ARHGAP32: variants seen among roughly 807,000 people sequenced by gnomAD.
The protein encoded by ARHGAP32 is Rho GTPase activating protein 32.
In ARHGAP32, 51 loss-of-function variants were observed where a neutral mutation model predicts 186.5. That is an observed-to-expected ratio of 0.27 (90% CI 0.22 to 0.35). The LOEUF is 0.35. Ranked by LOEUF, ARHGAP32 falls within the 10% of genes least tolerant of loss-of-function variation. The pLI is 1.00. For missense variants in ARHGAP32, 2,186 were observed against 2,623.5 expected, an observed-to-expected ratio of 0.83 and a Z score of 3.64; for synonymous variants, 950 against 964.3, an observed-to-expected ratio of 0.99 and a Z score of 0.27.
At chr11:129,025,876 ATATGT>A (rs1024413182) in intron 11 of ARHGAP32, among the ~76,000 whole-genome samples, 5 of 148,806 alleles carry the variant, frequency 3.4e-5, no homozygotes, top group African/African-American at 7.3e-5. Flanking sequence ...TTTAAGTAAT[ATATGT>A]TATATTACTT....
chr11:129,088,682 A>G (rs982900692), intron 6 of ARHGAP32, among the ~76,000 whole-genome samples: 1 of 152,210 alleles, frequency 6.6e-6, no homozygotes, highest in Non-Finnish European at 1.5e-5. Flanking sequence ...TTGTAAAGGA[A>G]TAAATCAAAA....
intron 1 of ARHGAP32, chr11:129,279,043 T>C (rs1000414544): frequency 6.8e-6 from 1 of 146,724 alleles, no homozygotes; most frequent in African/African-American, 2.5e-5. Flanking sequence ...ACCCTCACTC[T>C]AAAAAGAATA....
At chr11:129,091,855 T>C (rs140153604) in intron 6 of ARHGAP32, among the ~76,000 whole-genome samples, 2 of 152,096 alleles carry the variant, frequency 1.3e-5, no homozygotes, top group African/African-American at 4.8e-5. Flanking sequence ...GAGGGTCTAA[T>C]TGTATGTCTT....
At chr11:129,148,515 G>C (rs968394286) in intron 2 of ARHGAP32, among the ~76,000 whole-genome samples, 10 of 152,154 alleles carry the variant, frequency 6.6e-5, no homozygotes, top group African/African-American at 2.2e-4. Context: ...CCTCACAGGG[G>C]CCTTCAGGGA....
intron 11 of ARHGAP32, among the ~76,000 whole-genome samples, chr11:129,019,553 T>C (rs577318928): frequency 2.0e-5 from 3 of 152,278 alleles, no homozygotes; most frequent in Admixed American, 1.3e-4. Context: ...ATGTAATAAG[T>C]TATCAGAATT....
chr11:129,270,100 C>G (rs971017372), intron 1 of ARHGAP32, among the ~76,000 whole-genome samples: 2 of 149,352 alleles, frequency 1.3e-5, no homozygotes, highest in African/African-American at 4.9e-5. Context: ...GCTGCCAAAA[C>G]TTAGGAGCAA....
intron 2 of ARHGAP32, among the ~76,000 whole-genome samples, chr11:129,145,240 A>G (rs1486356234): frequency 2.6e-5 from 4 of 152,090 alleles, no homozygotes; most frequent in African/African-American, 9.7e-5. Context: ...GCTGCTAGAA[A>G]ATGATACTGA....
intron 11 of ARHGAP32, among the ~76,000 whole-genome samples, chr11:129,017,158 T>C (rs1938384060): frequency 6.6e-6 from 1 of 152,084 alleles, no homozygotes; most frequent in Admixed American, 6.5e-5. Context: ...ATTTTCCTCA[T>C]CTATGAAAAA....
chr11:129,176,911 G>T (rs1364499964), intron 1 of ARHGAP32, among the ~76,000 whole-genome samples: 2 of 152,066 alleles, frequency 1.3e-5, no homozygotes, highest in Non-Finnish European at 1.5e-5. Flanking sequence ...TCAAAAGCTG[G>T]CAGAAGGCAA....
chr11:129,133,896 A>C (rs2135410456), intron 2 of ARHGAP32, among the ~76,000 whole-genome samples: 1 of 152,340 alleles, frequency 6.6e-6, no homozygotes, highest in East Asian at 1.9e-4. Flanking sequence ...CATGCTTTAA[A>C]ATATATGTGC....
chr11:129,005,428 T>C (rs1243943931), intron 11 of ARHGAP32, among the ~76,000 whole-genome samples: 1 of 152,202 alleles, frequency 6.6e-6, no homozygotes. Context: ...GCATTTCTTA[T>C]AGGACAGGTC....
At chr11:129,216,289 C>A (rs1009020142) in intron 1 of ARHGAP32, among the ~76,000 whole-genome samples, 3 of 152,162 alleles carry the variant, frequency 2.0e-5, no homozygotes, top group Non-Finnish European at 2.9e-5. Context: ...AGTCTTTATT[C>A]AAATCCTCCT....
chr11:129,132,823 A>G (rs1295361111), intron 2 of ARHGAP32, among the ~76,000 whole-genome samples: 1 of 152,228 alleles, frequency 6.6e-6, no homozygotes, highest in East Asian at 1.9e-4. Context: ...TTATAAACAC[A>G]CTGCATTAGA....
At chr11:129,169,165 A>G (rs1380203494) in intron 1 of ARHGAP32, among the ~76,000 whole-genome samples, 1 of 152,196 alleles carries the variant, frequency 6.6e-6, no homozygotes, top group Non-Finnish European at 1.5e-5. Context: ...TAACAAATCA[A>G]TAAAATAGAA....
intron 5 of ARHGAP32, among the ~76,000 whole-genome samples, chr11:129,104,132 A>G (rs939600038): frequency 2.0e-5 from 3 of 152,140 alleles, no homozygotes; most frequent in Non-Finnish European, 4.4e-5. Context: ...TGATGAACAA[A>G]AACTGAAGAG....
chr11:128,969,571 A>G lies in ARHGAP32; in HGVS notation c.5642T>C (p.Leu1881Pro). 1.2e-6 allele frequency: 2 copies of G among 1,614,110 alleles called. No homozygotes were observed. The highest frequency in any genetic ancestry group is 8.5e-7 in the Non-Finnish European group (1 of 1,180,030). The change falls in exon 23 of 23, where the codon CTT becomes CCT. Residue 1881 changes from leucine to proline, a missense_variant. Coordinates refer to ENST00000682385, the MANE Select transcript of ARHGAP32 (RefSeq NM_001378024.1). The surrounding 1 kb of genome is among the most constrained non-coding windows in gnomAD (Gnocchi z 4.8). ...QKQSSLRSRK[L>P]PDMGCSLPEH... ...AGGAAGACTGCAGCCCATGTCAGGAAGCTTCCTGCTCCTCAGGCTGCTCTG... is the reference window on the plus strand; with the variant it reads ...AGGAAGACTGCAGCCCATGTCAGGAGGCTTCCTGCTCCTCAGGCTGCTCTG...
chr11:129,242,052 G>A (rs1945025455), intron 1 of ARHGAP32, among the ~76,000 whole-genome samples: 1 of 152,118 alleles, frequency 6.6e-6, no homozygotes, highest in Non-Finnish European at 1.5e-5. Flanking sequence ...AAGTCTCATG[G>A]GAGTATTGCT....
Position 129,043,387 on chromosome 11 carries a change from T to C in ARHGAP32, c.964-2378A>G, listed in dbSNP as rs918237427. 7.5e-5 allele frequency among the ~76,000 whole-genome samples: 11 copies of C among 146,004 alleles called. No individual in the cohort carries two copies. In the South Asian group the frequency reaches 8.8e-4, roughly 12 times the overall value. ...TATGCAAATTTCTTTTTTTCTTTTT[T>C]TTTTTTTTTTTTTTGCGCAACGGAG... On this transcript the variant is annotated intron_variant, in intron 10 of 22. Transcript: ENST00000682385.
At chr11:129,253,893 G>C (rs890543039) in intron 1 of ARHGAP32, among the ~76,000 whole-genome samples, 1 of 152,082 alleles carries the variant, frequency 6.6e-6, no homozygotes, top group African/African-American at 2.4e-5. Flanking sequence ...GAAAATTTCT[G>C]CCCATAATAC....
Sources: allele counts gnomAD v4.1 joint callset (sites outside exome capture counted in the v4.1 genomes callset), GRCh38; gene constraint gnomAD v4.1.1; non-coding constraint Gnocchi (gnomAD v3.1); transcripts MANE v1.5; gene names NCBI Gene and HGNC (gene_info 2026-07-23, HGNC 2026-07-21).